The following TTLL11 variants were observed in gnomAD, a reference collection of about 807,000 sequenced individuals.
TTLL11 encodes tubulin polyglutamylase TTLL11.
Under a neutral mutation model 51.7 loss-of-function variants are expected in TTLL11, and 42 were observed. That is an observed-to-expected ratio of 0.81 (90% CI 0.64 to 1.05). The LOEUF is 1.05. Ranked by LOEUF, TTLL11 falls within the 50% of genes least tolerant of loss-of-function variation. The probability of loss-of-function intolerance (pLI) is 0.00; values close to 1 mark genes in which losing one functional copy is unlikely to be tolerated. For synonymous variants in TTLL11, 381 were observed against 383.5 expected, an observed-to-expected ratio of 0.99 and a Z score of 0.08; for missense variants, 799 against 940.4, an observed-to-expected ratio of 0.85 and a Z score of 1.97.
intron 6 of TTLL11, among the ~76,000 whole-genome samples, chr9:121,963,426 A>T (rs1203892175): frequency 6.6e-6 from 1 of 152,252 alleles, no homozygotes; most frequent in East Asian, 1.9e-4. Flanking sequence ...TTTAAGGTTC[A>T]CTGGTGCAAC....
chr9:121,901,590 T>C (rs1388803256), intron 6 of TTLL11, among the ~76,000 whole-genome samples: 1 of 152,060 alleles, frequency 6.6e-6, no homozygotes, highest in East Asian at 1.9e-4. Flanking sequence ...GAAGACACTG[T>C]CTTTCCCTCC....
intron 7 of TTLL11, among the ~76,000 whole-genome samples, chr9:121,869,136 C>T (rs1361384760): frequency 6.6e-6 from 1 of 152,204 alleles, no homozygotes; most frequent in Non-Finnish European, 1.5e-5. Context: ...CCCACCCTGC[C>T]CTACCTCCTG....
At chr9:121,848,069 TG>T (rs1282282925) in intron 8 of TTLL11, among the ~76,000 whole-genome samples, 1 of 152,008 alleles carries the variant, frequency 6.6e-6, no homozygotes, top group Non-Finnish European at 1.5e-5. Flanking sequence ...TAGCCAGGTG[TG>T]GGGGCACATG....
chr9:122,001,187 C>T (rs976794344), intron 3 of TTLL11, among the ~76,000 whole-genome samples: 6 of 152,080 alleles, frequency 3.9e-5, no homozygotes, highest in African/African-American at 1.4e-4. Flanking sequence ...CTGCGGCCTC[C>T]GAGGTTCAAG....
At chr9:122,057,322 CTTTTT>C (rs58226814) in intron 1 of TTLL11, among the ~76,000 whole-genome samples, 4 of 128,168 alleles carry the variant, frequency 3.1e-5, no homozygotes, top group Non-Finnish European at 3.2e-5. Flanking sequence ...AGCTCAAATC[CTTTTT>C]TTTTTTTTTT....
intron 6 of TTLL11, among the ~76,000 whole-genome samples, chr9:121,913,256 T>C (rs56288882): frequency 0.26 from 39,910 of 152,152 alleles, 6,539 homozygotes; most frequent in Non-Finnish European, 0.36. Flanking sequence ...GTCTTTTTTT[T>C]AATTCATCTG....
intron 6 of TTLL11, among the ~76,000 whole-genome samples, chr9:121,879,655 G>A (rs1225549679): frequency 6.6e-6 from 1 of 152,152 alleles, no homozygotes; most frequent in Non-Finnish European, 1.5e-5. Context: ...CTCATCCAGA[G>A]CCTTTGAGAT....
chr9:121,946,918 C>A (rs777346505), intron 6 of TTLL11, among the ~76,000 whole-genome samples: 1 of 152,126 alleles, frequency 6.6e-6, no homozygotes, highest in African/African-American at 2.4e-5. Context: ...CATTAGATCA[C>A]CTGCTTGGCC....
intron 5 of TTLL11, 103 bp from the exon 6 acceptor site, chr9:121,974,227 T>C: frequency 1.5e-6 from 1 of 687,436 alleles, no homozygotes; most frequent in Non-Finnish European, 2.3e-6. Flanking sequence ...TTGCTTATGC[T>C]AATCTATAGA....
At chr9:121,867,627 C>T (rs778383607) in intron 7 of TTLL11, among the ~76,000 whole-genome samples, 1 of 151,804 alleles carries the variant, frequency 6.6e-6, no homozygotes, top group African/African-American at 2.4e-5. Context: ...GCCATCCATT[C>T]TCAGGCTCTC....
intron 1 of TTLL11, among the ~76,000 whole-genome samples, chr9:122,090,239 T>C (rs533804440): frequency 1.3e-5 from 2 of 152,226 alleles, no homozygotes; most frequent in African/African-American, 4.8e-5. Flanking sequence ...ACTTTACAGA[T>C]AAGCAAACTG....
intron 6 of TTLL11, among the ~76,000 whole-genome samples, chr9:121,880,683 G>A (rs1024480895): frequency 6.6e-6 from 1 of 152,188 alleles, no homozygotes; most frequent in Non-Finnish European, 1.5e-5. Context: ...ATTACTGCCT[G>A]GTTTATGACT....
rs558192788 is a variant in TTLL11 at position 121,965,404 on chromosome 9, G to A, written c.1481+8605C>T. Among the ~76,000 whole-genome samples, 20 of 152,328 alleles carry A rather than the reference G, an allele frequency of 1.3e-4. No individual in the cohort carries two copies. In the South Asian group the frequency reaches 3.5e-3, roughly 27 times the overall value. On this transcript the variant is annotated intron_variant, in intron 6 of 8. Transcript: ENST00000321582. ...TTCACAAGGTGGCAGGAAAGAGAGA[G>A]AAGCGGGAGCTGCCACACAGTTTTA...
At chr9:121,980,185 T>C (rs1483667403) in intron 4 of TTLL11, among the ~76,000 whole-genome samples, 1 of 149,956 alleles carries the variant, frequency 6.7e-6, no homozygotes, top group African/African-American at 2.5e-5. Flanking sequence ...GGGGGGCCTT[T>C]CTTTTTTCAT....
At chr9:121,916,388 T>C (rs1327555965) in intron 6 of TTLL11, among the ~76,000 whole-genome samples, 1 of 152,172 alleles carries the variant, frequency 6.6e-6, no homozygotes, top group Non-Finnish European at 1.5e-5. Flanking sequence ...TGGTTGTCGC[T>C]GGGAAGTGAG....
intron 3 of TTLL11, among the ~76,000 whole-genome samples, chr9:121,997,142 C>T (rs1262342721): frequency 6.6e-6 from 1 of 152,204 alleles, no homozygotes; most frequent in Non-Finnish European, 1.5e-5. Context: ...TTTTGGAGAA[C>T]AGCAGCCTTC....
intron 6 of TTLL11, among the ~76,000 whole-genome samples, chr9:121,963,169 G>C (rs1373886164): frequency 6.6e-6 from 1 of 152,166 alleles, no homozygotes; most frequent in Non-Finnish European, 1.5e-5. Context: ...GTGAGGACTA[G>C]CTGGGACTAT....
chr9:121,934,541 T>C (rs187879326), intron 6 of TTLL11, among the ~76,000 whole-genome samples: 2 of 152,344 alleles, frequency 1.3e-5, no homozygotes. Flanking sequence ...TTGGTGCAAA[T>C]GTTGTTGGCT....
Position 121,818,762 on chromosome 9 carries a change from T to C in TTLL11, c.*3825A>G, listed in dbSNP as rs1017234494. The C allele has an allele frequency of 1.3e-5, 2 of 152,406 alleles. No individual in the cohort carries two copies. Among genetic ancestry groups the C allele is most frequent in the African/African-American group, 2.4e-5 (1 of 41,532 alleles). 9.4% of individuals were successfully genotyped at this position (152,406 alleles called of 1,614,324 possible). A position where few individuals can be genotyped will look rare whatever the true frequency, so the allele number is the denominator to read the frequency against. On this transcript the variant is annotated 3_prime_UTR_variant, in exon 9 of 9. Transcript: ENST00000321582. Reference sequence around the variant, plus strand: ...AATAGCACATCCTCCTCCTGTCTCATGACAACAGATACAAACAGTCCTGGG... The same window carrying C: ...AATAGCACATCCTCCTCCTGTCTCACGACAACAGATACAAACAGTCCTGGG...
Sources: allele counts gnomAD v4.1 joint callset (sites outside exome capture counted in the v4.1 genomes callset), GRCh38; gene constraint gnomAD v4.1.1; transcripts MANE v1.5; gene names NCBI Gene and HGNC (gene_info 2026-07-23, HGNC 2026-07-21).